BCAR3: variants seen among roughly 807,000 people sequenced by gnomAD.
BCAR3 encodes the protein BCAR3 adaptor protein, NSP family member.
BCAR3 carries 37 observed loss-of-function variants against 80.1 expected under a neutral mutation model. The observed-to-expected ratio is 0.46, with a 90% CI of 0.36 to 0.61. The LOEUF (loss-of-function observed/expected upper bound fraction) is 0.61, where lower values mean the gene tolerates loss of function less well. BCAR3 is among the 20% of genes least tolerant of loss of function. The pLI is 0.00. For missense variants in BCAR3, 978 were observed against 1,068.2 expected, an observed-to-expected ratio of 0.92 and a Z score of 1.18; for synonymous variants, 389 against 418.9, an observed-to-expected ratio of 0.93 and a Z score of 0.87.
At chr1:93,769,665 G>A (rs1005965818) in intron 2 of BCAR3, among the ~76,000 whole-genome samples, 2 of 152,156 alleles carry the variant, frequency 1.3e-5, no homozygotes, top group Middle Eastern at 3.4e-3. Flanking sequence ...ATTACTGTTC[G>A]AGTTTAACCC....
intron 3 of BCAR3, among the ~76,000 whole-genome samples, chr1:93,612,704 T>C (rs1161060009): frequency 1.3e-5 from 2 of 152,086 alleles, no homozygotes; most frequent in Non-Finnish European, 2.9e-5. Flanking sequence ...ACTTGAACGA[T>C]CCATATTTAG....
chr1:93,800,914 A>C (rs12404925), intron 2 of BCAR3, among the ~76,000 whole-genome samples: 21,532 of 152,158 alleles, frequency 0.14, 2,486 homozygotes, highest in African/African-American at 0.31. Flanking sequence ...CTATCATTTG[A>C]ACTGTTTGAT....
chr1:93,760,126 C>A (rs1376641285), intron 2 of BCAR3, among the ~76,000 whole-genome samples: 4 of 150,682 alleles, frequency 2.7e-5, no homozygotes, highest in East Asian at 2.0e-4. Context: ...GCCTGGCATA[C>A]AAAAGGCCAT....
At chr1:93,642,692 A>AC (rs1676021646) in intron 2 of BCAR3, among the ~76,000 whole-genome samples, 1 of 152,196 alleles carries the variant, frequency 6.6e-6, no homozygotes, top group South Asian at 2.1e-4. Flanking sequence ...AACGTGTGGC[A>AC]CTTTCGGTCA....
In BCAR3 at chr1:93,592,180, C is replaced by G. The variant is rs1023811109; in HGVS notation, c.486+85G>C. On this transcript the variant is annotated intron_variant, in intron 4 of 11. Transcript: ENST00000260502. The surrounding 1 kb of genome is among the most constrained non-coding windows in gnomAD (Gnocchi z 4.8). ...TACACAGGTGCTTCCGCCCATGTGG[C>G]CTCGGAGTGGGACCCTGCGGGTCAT... 7.0e-6 allele frequency: 11 copies of G among 1,569,906 alleles called. No homozygotes were observed. The highest frequency in any genetic ancestry group is 9.5e-6 in the Non-Finnish European group (11 of 1,160,210).
chr1:93,571,613 T>C lies in BCAR3; in HGVS notation c.1974+57A>G, dbSNP rs72963332. On this transcript the variant is annotated intron_variant, in intron 9 of 11. Coordinates refer to ENST00000260502, the MANE Select transcript of BCAR3 (RefSeq NM_003567.4). Reference sequence around the variant, plus strand: ...CTAAAATAGTCTGATTTGCCAAACATGGCATGCAGATCTCTTTACAGAACA... The same window carrying C: ...CTAAAATAGTCTGATTTGCCAAACACGGCATGCAGATCTCTTTACAGAACA... 7.9e-3 allele frequency: 12,550 copies of C among 1,595,242 alleles called. 802 individuals carry two copies. In the African/African-American group the frequency reaches 0.14, roughly 18 times the overall value.
chr1:93,705,119 T>C (rs1649788675), intron 3 of BCAR3, among the ~76,000 whole-genome samples: 4 of 152,142 alleles, frequency 2.6e-5, no homozygotes, highest in Admixed American at 2.6e-4. Context: ...CCGGGGTTGT[T>C]TCCATGTTTA....
intron 2 of BCAR3, among the ~76,000 whole-genome samples, chr1:93,804,281 T>C (rs1241676044): frequency 6.6e-6 from 1 of 152,248 alleles, no homozygotes; most frequent in Non-Finnish European, 1.5e-5. Context: ...GGACCTCTTG[T>C]AAAAATGAAA....
At chr1:93,723,651 G>A (rs1160282706) in intron 2 of BCAR3, 4 of 152,180 alleles carry the variant, frequency 2.6e-5, no homozygotes, top group Non-Finnish European at 5.9e-5. Flanking sequence ...TGCCACAGGA[G>A]CCTCAGGAAC....
At chr1:93,749,834 T>C (rs1312459273) in intron 2 of BCAR3, among the ~76,000 whole-genome samples, 4 of 151,948 alleles carry the variant, frequency 2.6e-5, no homozygotes, top group Non-Finnish European at 5.9e-5. Context: ...CTCTTAAAAA[T>C]CTTCGTTCTT....
At chr1:93,587,921 C>T (rs898190135) in intron 5 of BCAR3, among the ~76,000 whole-genome samples, 4 of 152,082 alleles carry the variant, frequency 2.6e-5, no homozygotes, top group African/African-American at 7.2e-5. Context: ...TGCAGGCCAA[C>T]GTCGCTGACA....
chr1:93,788,599 G>T (rs140015242), intron 2 of BCAR3, among the ~76,000 whole-genome samples: 235 of 152,186 alleles, frequency 1.5e-3, no homozygotes, highest in African/African-American at 5.3e-3. Context: ...AAAATTCTTG[G>T]CTGACAATTA....
chr1:93,824,584 G>A (rs1375070340), intron 2 of BCAR3, among the ~76,000 whole-genome samples: 1 of 131,930 alleles, frequency 7.6e-6, no homozygotes, highest in African/African-American at 2.5e-5. Flanking sequence ...TTGCATCCCC[G>A]ACCTTACCCC....
At chr1:93,568,499 A>G (rs1464789093) in intron 9 of BCAR3, among the ~76,000 whole-genome samples, 1 of 152,230 alleles carries the variant, frequency 6.6e-6, no homozygotes, top group African/African-American at 2.4e-5. Context: ...CACTCTTGTT[A>G]TAATAGAAAT....
chr1:93,617,294 G>A (rs554329266), intron 3 of BCAR3, among the ~76,000 whole-genome samples: 3 of 152,304 alleles, frequency 2.0e-5, no homozygotes, highest in Admixed American at 2.0e-4. Flanking sequence ...GGGCATGGAG[G>A]GAGATGGCAG....
chr1:93,719,118 T>A (rs945422837), intron 2 of BCAR3, among the ~76,000 whole-genome samples: 1 of 151,984 alleles, frequency 6.6e-6, no homozygotes, highest in Admixed American at 6.6e-5. Context: ...TTTCCGCCTG[T>A]AAAATCGTTT....
At chr1:93,797,127 T>C (rs1000532984) in intron 2 of BCAR3, among the ~76,000 whole-genome samples, 3 of 152,174 alleles carry the variant, frequency 2.0e-5, no homozygotes, top group African/African-American at 7.2e-5. Flanking sequence ...CTGCTTCCAT[T>C]TGGATTAGCA....
intron 1 of BCAR3, among the ~76,000 whole-genome samples, chr1:93,675,247 G>A (rs1648417824): frequency 6.6e-6 from 1 of 152,110 alleles, no homozygotes; most frequent in South Asian, 2.1e-4. Context: ...GATTAAGAGA[G>A]GACTCATAGT....
intron 3 of BCAR3, among the ~76,000 whole-genome samples, chr1:93,610,170 C>T (rs1674907579): frequency 6.6e-6 from 1 of 152,228 alleles, no homozygotes; most frequent in Non-Finnish European, 1.5e-5. Flanking sequence ...GGGATGAAAG[C>T]CAATGGGGAA....
Sources: gnomAD v4.1 joint callset for allele counts (sites outside exome capture counted in the v4.1 genomes callset) on GRCh38, gnomAD v4.1.1 for gene constraint, Gnocchi (gnomAD v3.1) non-coding constraint, MANE v1.5 for transcripts, NCBI Gene and HGNC (gene_info 2026-07-23, HGNC 2026-07-21) for gene names.